The following CDKL4 variants were observed in gnomAD, a reference collection of about 807,000 sequenced individuals.
CDKL4 encodes cyclin dependent kinase like 4.
A neutral mutation model predicts 42.0 loss-of-function variants in CDKL4; 44 were observed. The ratio of observed to expected loss-of-function variants is 1.05; its 90% CI spans 0.82 to 1.35. The LOEUF is 1.35. CDKL4 is among the 40% of genes most tolerant of loss of function. The probability of loss-of-function intolerance (pLI) is 0.00; values close to 1 mark genes in which losing one functional copy is unlikely to be tolerated. For synonymous variants in CDKL4, 120 were observed against 121.6 expected (o/e 0.99, Z 0.09); for missense variants, 393 against 369.9 (o/e 1.06, Z -0.51).
chr2:39,241,985 T>C (rs1679683059), intron 1 of CDKL4, among the ~76,000 whole-genome samples: 1 of 152,144 alleles, frequency 6.6e-6, no homozygotes, highest in African/African-American at 2.4e-5. Context: ...TAAATGGTGA[T>C]ATAGCTATTG....
downstream of CDKL4, among the ~76,000 whole-genome samples, chr2:39,174,500 G>A (rs112094659): frequency 1.3e-3 from 195 of 152,236 alleles, no homozygotes; most frequent in Non-Finnish European, 2.3e-3. Context: ...GATTCTCTGG[G>A]AGTTTATGTG....
intron 3 of CDKL4, among the ~76,000 whole-genome samples, chr2:39,222,762 G>C (rs1678457361): frequency 6.6e-6 from 1 of 152,046 alleles, no homozygotes; most frequent in African/African-American, 2.4e-5. Flanking sequence ...TGTATGCATT[G>C]AATGTTTTAT....
intron 5 of CDKL4, among the ~76,000 whole-genome samples, chr2:39,194,041 T>C (rs1367330736): frequency 6.6e-6 from 1 of 152,224 alleles, no homozygotes; most frequent in East Asian, 1.9e-4. Context: ...GGTAGTATCT[T>C]GGATTATGGG....
chr2:39,228,665 T>C (rs1678907410), intron 2 of CDKL4, among the ~76,000 whole-genome samples: 1 of 151,972 alleles, frequency 6.6e-6, no homozygotes, highest in Admixed American at 6.6e-5. Flanking sequence ...TTCAACAAGG[T>C]CCCCGGGGAT....
rs34568815 is a variant in CDKL4 at position 39,188,560 on chromosome 2, CAAAAAAAAAA to C, written c.653-861_653-852del. Among the ~76,000 whole-genome samples, 87 of 45,262 alleles carry C rather than the reference CAAAAAAAAAA, an allele frequency of 1.9e-3. 1 individual carries two copies. In the East Asian group the frequency reaches 0.058, roughly 30 times the overall value. The allele number at this position is 45,262 out of a possible 152,430, so 29.7% of individuals were successfully genotyped here. On this transcript the variant is annotated intron_variant, in intron 6 of 9. Coordinates refer to ENST00000451199, the Ensembl canonical transcript of CDKL4. ...CTGGCAACAGAGTGACAGTCCGTCT[CAAAAAAAAAA>C]AAAAAAAAAAAAAAAAAAAAGACAA...
chr2:39,226,498 G>A (rs1678755407), intron 2 of CDKL4, among the ~76,000 whole-genome samples: 1 of 45,110 alleles, frequency 2.2e-5, no homozygotes, highest in Non-Finnish European at 8.0e-5. Flanking sequence ...TATATTTTCA[G>A]CATTGTTCTT....
At chr2:39,194,345 A>G (rs1049620299) in intron 5 of CDKL4, among the ~76,000 whole-genome samples, 2 of 152,122 alleles carry the variant, frequency 1.3e-5, no homozygotes, top group African/African-American at 4.8e-5. Context: ...AAAAATTAGT[A>G]TATCTGTTGT....
downstream of CDKL4, among the ~76,000 whole-genome samples, chr2:39,173,747 A>C (rs1365605237): frequency 2.0e-5 from 3 of 150,128 alleles, no homozygotes; most frequent in African/African-American, 7.4e-5. Flanking sequence ...GAGGCGGAGC[A>C]GCTTGCAGTG....
intron 2 of CDKL4, among the ~76,000 whole-genome samples, chr2:39,229,100 C>T (rs192600561): frequency 9.9e-5 from 15 of 152,132 alleles, no homozygotes; most frequent in African/African-American, 2.4e-4. Context: ...TGGGGGCGAG[C>T]GTAAACACTG....
At chr2:39,178,648 A>G (rs772422996) in intron 9 of CDKL4, 1 of 1,595,136 alleles carries the variant, frequency 6.3e-7, no homozygotes, top group African/African-American at 1.3e-5. Context: ...CTGTTCTGCA[A>G]TATTGGCCCA....
chr2:39,195,655 T>C (rs891793871), intron 5 of CDKL4, among the ~76,000 whole-genome samples: 7 of 150,068 alleles, frequency 4.7e-5, no homozygotes, highest in African/African-American at 1.7e-4. Context: ...TTTTTTTTTT[T>C]TTTTTGAGAC....
At chr2:39,171,526 A>T (rs986777923), downstream of CDKL4, among the ~76,000 whole-genome samples, 2 of 152,218 alleles carry the variant, frequency 1.3e-5, no homozygotes, top group Non-Finnish European at 2.9e-5. Flanking sequence ...AAGTTGGAAC[A>T]ATTACATTCA....
chr2:39,217,870 A>C (rs1248616780), intron 3 of CDKL4, among the ~76,000 whole-genome samples: 3 of 152,054 alleles, frequency 2.0e-5, no homozygotes, highest in Non-Finnish European at 4.4e-5. Flanking sequence ...AGTAGCTGGG[A>C]TTACAGGCAT....
upstream of CDKL4, among the ~76,000 whole-genome samples, chr2:39,245,150 C>T (rs1226809127): frequency 1.3e-5 from 2 of 152,184 alleles, no homozygotes; most frequent in African/African-American, 2.4e-5. Context: ...AAGCTTTGTT[C>T]TTTCGCTCTT....
chr2:39,171,236 C>CA (rs78615242), downstream of CDKL4, among the ~76,000 whole-genome samples: 2,059 of 81,290 alleles, frequency 0.025, 29 homozygotes, highest in African/African-American at 0.053. Flanking sequence ...GAGACCGTCT[C>CA]AAAAAAAAAA....
chr2:39,204,072 C>A (rs999308549), intron 5 of CDKL4, among the ~76,000 whole-genome samples: 2 of 152,168 alleles, frequency 1.3e-5, no homozygotes, highest in African/African-American at 4.8e-5. Context: ...GTTTTCTTAG[C>A]ACTCTCTCTG....
intron 3 of CDKL4, among the ~76,000 whole-genome samples, chr2:39,221,096 C>G (rs944948253): frequency 6.9e-6 from 1 of 144,588 alleles, no homozygotes; most frequent in African/African-American, 2.6e-5. Context: ...TCACTGCAAT[C>G]TCCGTCTCCT....
chr2:39,233,013 C>G (rs1405911638), intron 1 of CDKL4, among the ~76,000 whole-genome samples: 3 of 126,666 alleles, frequency 2.4e-5, no homozygotes, highest in Non-Finnish European at 4.7e-5. Context: ...CCACTGCACT[C>G]CAGCCTGGGT....
At chr2:39,185,686 C>T (rs1243863602) in intron 7 of CDKL4, among the ~76,000 whole-genome samples, 2 of 151,554 alleles carry the variant, frequency 1.3e-5, no homozygotes, top group Non-Finnish European at 2.9e-5. Flanking sequence ...TGGTCTCGAT[C>T]TCCCGACCTA....
Sources: gnomAD v4.1 joint callset for allele counts (sites outside exome capture counted in the v4.1 genomes callset) on GRCh38, gnomAD v4.1.1 for gene constraint, MANE v1.5 for transcripts, NCBI Gene and HGNC (gene_info 2026-07-23, HGNC 2026-07-21) for gene names.